Variants in OAS2 observed in about 807,000 individuals in gnomAD.
OAS2 encodes the protein 2'-5'-oligoadenylate synthase 2.
In OAS2, 67 loss-of-function variants were observed where a neutral mutation model predicts 71.3. The observed-to-expected ratio is 0.94, with a 90% CI of 0.77 to 1.15. The LOEUF (loss-of-function observed/expected upper bound fraction) is 1.15. Among genes scored for constraint, OAS2 ranks in the 50% most tolerant of loss-of-function variants. The pLI is 0.00. For missense variants in OAS2, 789 were observed against 822.5 expected (o/e 0.96, Z 0.50); for synonymous variants, 327 against 321.8 (o/e 1.02, Z -0.17).
chr12:112,979,936 G>GT (rs1438093588), intron 1 of OAS2, among the ~76,000 whole-genome samples: 1 of 152,212 alleles, frequency 6.6e-6, no homozygotes, highest in Non-Finnish European at 1.5e-5. Context: ...AGCTGGGAAT[G>GT]TAAACCAGGA....
At position 113,006,453 on chromosome 12, in the gene OAS2, T is replaced by C. The variant is rs777940762; in HGVS notation, c.1509T>C (p.Tyr503=). The C allele has an allele frequency of 6.3e-7, 1 of 1,598,602 alleles. No homozygotes were observed. Among genetic ancestry groups the C allele is most frequent in the Admixed American group, 1.7e-5 (1 of 59,862 alleles). The change falls in exon 8 of 10, where the codon TAT becomes TAC. Residue 503 remains tyrosine, a synonymous_variant. Coordinates refer to ENST00000392583, the MANE Select transcript of OAS2 (RefSeq NM_002535.3). ...SSGSTPSPEV[Y]AGLIDLYKSS... ...GCTCCACACCCAGCCCCGAGGTTTA[T>C]GCAGGGCTCATTGATCTGTATAAAT... is the stretch of plus-strand genomic sequence containing the variant.
chr12:112,983,165 GT>G (rs1407375712), intron 1 of OAS2, among the ~76,000 whole-genome samples: 1 of 151,900 alleles, frequency 6.6e-6, no homozygotes, highest in African/African-American at 2.4e-5. Context: ...ATTATGTTTA[GT>G]TCTGTTCTGA....
intron 2 of OAS2, chr12:112,988,242 T>C: frequency 1.0e-6 from 1 of 984,640 alleles, no homozygotes; most frequent in Non-Finnish European, 1.2e-6. Flanking sequence ...AGAAGAAAAT[T>C]CTTGGCCAAA....
At chr12:113,006,964 T>A (rs1048560028) in intron 8 of OAS2, among the ~76,000 whole-genome samples, 5 of 152,170 alleles carry the variant, frequency 3.3e-5, no homozygotes, top group African/African-American at 4.8e-5. Context: ...GAAGGCAGGT[T>A]GAAGCTGTAG....
rs748227813 is a variant in OAS2, at chr12:113,005,207, G to A, written c.1453G>A (p.Ala485Thr). ...AAGTGTCAGCTTTGATGTGCTTCCTGCCTTTAATGCACTGGGTAAGGCTCC... is the reference window on the plus strand; with the variant it reads ...AAGTGTCAGCTTTGATGTGCTTCCTACCTTTAATGCACTGGGTAAGGCTCC... ...NESVSFDVLPAFNALGQLSSG... is the reference protein window; with the variant it reads ...NESVSFDVLPTFNALGQLSSG... The change falls in exon 7 of 10, where the codon GCC becomes ACC. Residue 485 changes from alanine (A) to threonine (T), a missense_variant. Transcript: ENST00000392583. 1.9e-5 allele frequency: 30 copies of A among 1,613,458 alleles called. No homozygotes were observed. In the African/African-American group the frequency reaches 3.6e-4, roughly 19 times the overall value.
chr12:112,990,757 T>C (rs1351562771), intron 2 of OAS2, among the ~76,000 whole-genome samples: 1 of 152,238 alleles, frequency 6.6e-6, no homozygotes, highest in African/African-American at 2.4e-5. Flanking sequence ...TTTGGTGTCA[T>C]ACTGCTACAA....
At chr12:112,984,091 C>T (rs1342575896) in intron 1 of OAS2, among the ~76,000 whole-genome samples, 12 of 152,162 alleles carry the variant, frequency 7.9e-5, no homozygotes, top group South Asian at 2.1e-4. Context: ...TTTCTGTCTA[C>T]GTGATCTGCC....
At position 113,006,479 on chromosome 12, in the gene OAS2, C is replaced by G; in HGVS notation, c.1535C>G (p.Ser512Cys). The G allele has an allele frequency of 6.2e-7, 1 of 1,613,464 alleles. No homozygotes were observed. The highest frequency in any genetic ancestry group is 1.3e-5 in the African/African-American group (1 of 75,044). Residue 512 changes from serine to cysteine, a missense_variant, in exon 8 of 10, where the codon TCC becomes TGC. By Grantham distance (112) the Ser-to-Cys change is moderately radical. Coordinates refer to ENST00000392583, the MANE Select transcript of OAS2 (RefSeq NM_002535.3). ...VYAGLIDLYKSSDLPGGEFST... is the reference protein window; with the variant it reads ...VYAGLIDLYKCSDLPGGEFST... Reference sequence around the variant, plus strand: ...GCAGGGCTCATTGATCTGTATAAATCCTCGGACCTCCCGGGAGGAGAGTTT... The same window carrying G: ...GCAGGGCTCATTGATCTGTATAAATGCTCGGACCTCCCGGGAGGAGAGTTT...
Position 112,987,151 on chromosome 12 carries a change from C to A in OAS2, c.291C>A (p.Ile97=), listed in dbSNP as rs773293745. Residue 97 remains isoleucine, a synonymous_variant, in exon 2 of 10, where the codon ATC becomes ATA. Coordinates refer to ENST00000392583, the MANE Select transcript of OAS2 (RefSeq NM_002535.3). ...ATCAGAAGAGAAGCCAACGTGACAT[C>A]CTCGATAAAACTGGGGATAAGCTGA... The part of the protein sequence containing the change: ...FQDQKRSQRD[I]LDKTGDKLKF... 1.1e-5 allele frequency: 17 copies of A among 1,614,056 alleles called. No homozygotes were observed. The highest frequency in any genetic ancestry group is 8.5e-7 in the Non-Finnish European group (1 of 1,180,028).
chr12:113,000,212 A>G (rs1209494893), intron 5 of OAS2, among the ~76,000 whole-genome samples: 2 of 152,182 alleles, frequency 1.3e-5, no homozygotes, highest in Middle Eastern at 3.2e-3. Context: ...TATTGTCCCA[A>G]TACAGCCCAT....
chr12:112,987,813 G>C, intron 2 of OAS2: 1 of 988,908 alleles, frequency 1.0e-6, no homozygotes, highest in Non-Finnish European at 1.2e-6. Context: ...TCAAGGCAAC[G>C]ACCTTCCATA....
intron 8 of OAS2, among the ~76,000 whole-genome samples, chr12:113,007,270 AT>A (rs1234940047): frequency 1.3e-5 from 2 of 152,218 alleles, no homozygotes; most frequent in East Asian, 3.8e-4. Context: ...TGTAGTTTTC[AT>A]CCCAGAAAAT....
intron 2 of OAS2, among the ~76,000 whole-genome samples, chr12:112,992,326 G>C (rs1409087438): frequency 6.6e-6 from 1 of 151,430 alleles, no homozygotes; most frequent in Non-Finnish European, 1.5e-5. Context: ...AGGAGTTCAA[G>C]GTTGCAGTGA....
rs765166365 is a variant in OAS2, at chr12:113,009,161, C to G, written c.1970C>G (p.Ala657Gly). ...GGDRWCWHLL[A>G]KEAKEWLSSP... ...GACCGTTGGTGTTGGCATCTTCTGG[C>G]AAAAGAAGCAAAGGAATGGTTATCC... The change falls in exon 10 of 10, where the codon GCA becomes GGA. Residue 657 changes from alanine to glycine, a missense_variant. Ala to Gly is a moderately conservative substitution (Grantham distance 60). Transcript: ENST00000392583. 9.9e-6 allele frequency: 16 copies of G among 1,613,838 alleles called. No individual in the cohort carries two copies. Among genetic ancestry groups the G allele is most frequent in the Non-Finnish European group, 1.7e-6 (2 of 1,179,998 alleles).
At chr12:112,995,554 A>G (rs2044226585) in intron 3 of OAS2, 80 bp downstream of exon 3, 2 of 1,331,194 alleles carry the variant, frequency 1.5e-6, no homozygotes, top group Non-Finnish European at 2.1e-6. Flanking sequence ...AAGTGCAACA[A>G]TCTTAGGTAT....
Position 113,009,439 on chromosome 12 carries a change from C to G in OAS2, c.*184C>G, listed in dbSNP as rs1324254327. On this transcript the variant is annotated 3_prime_UTR_variant, in exon 10 of 10. Transcript: ENST00000392583. ...TCAGGCAGGTAACCCCAGATTCATG[C>G]ACTGTAGGGTGCTGCGCAGCATCCC... is the stretch of plus-strand genomic sequence containing the variant. 7.0e-7 allele frequency: 1 copy of G among 1,431,440 alleles called. No homozygotes were observed. Among genetic ancestry groups the G allele is most frequent in the East Asian group, 2.6e-5 (1 of 38,898 alleles). The allele number at this position is 1,431,440 out of a possible 1,614,324, so 88.7% of individuals were successfully genotyped here. A position where few individuals can be genotyped will look rare whatever the true frequency, so the allele number is the denominator to read the frequency against.
chr12:112,990,423 G>A (rs2044180546), intron 2 of OAS2, among the ~76,000 whole-genome samples: 1 of 152,220 alleles, frequency 6.6e-6, no homozygotes, highest in Admixed American at 6.5e-5. Flanking sequence ...AGTTGAAGGA[G>A]TTCAGCTTAA....
chr12:112,993,256 C>T (rs2044207130), intron 2 of OAS2, among the ~76,000 whole-genome samples: 1 of 152,202 alleles, frequency 6.6e-6, no homozygotes, highest in African/African-American at 2.4e-5. Context: ...CACTACAACT[C>T]TCCCCCTAGG....
At chr12:112,980,216 C>T (rs977461158) in intron 1 of OAS2, among the ~76,000 whole-genome samples, 1 of 152,082 alleles carries the variant, frequency 6.6e-6, no homozygotes, top group African/African-American at 2.4e-5. Flanking sequence ...TTAGGATATC[C>T]ATCACCTCAA....
Sources: allele counts gnomAD v4.1 joint callset (sites outside exome capture counted in the v4.1 genomes callset), GRCh38; gene constraint gnomAD v4.1.1; transcripts MANE v1.5; gene names NCBI Gene and HGNC (gene_info 2026-07-23, HGNC 2026-07-21).